The following COL4A1 variants were observed in gnomAD, a reference collection of about 807,000 sequenced individuals.
COL4A1 encodes collagen type IV alpha 1 chain.
Under a neutral mutation model 216.6 loss-of-function variants are expected in COL4A1, and 40 were observed. The observed-to-expected ratio is 0.18, with a 90% CI of 0.14 to 0.24. The LOEUF is 0.24. Among genes scored for constraint, COL4A1 ranks in the 10% least tolerant of loss-of-function variants. The pLI is 1.00. For missense variants in COL4A1, 1,628 were observed against 2,196.8 expected (o/e 0.74, Z 5.18); for synonymous variants, 839 against 810.7 (o/e 1.03, Z -0.59).
intron 18 of COL4A1, among the ~76,000 whole-genome samples, chr13:110,202,463 T>A (rs1049532753): frequency 2.0e-5 from 3 of 152,230 alleles, no homozygotes; most frequent in African/African-American, 7.2e-5. Context: ...CTTGACTTAG[T>A]CATCCCACAA....
rs7273 is a variant in COL4A1 at position 110,149,231 on chromosome 13, C to T, written c.*1132G>A. 2 of 154,780 alleles carry T rather than the reference C, an allele frequency of 1.3e-5. No homozygotes were observed. Among genetic ancestry groups the T allele is most frequent in the African/African-American group, 2.4e-5 (1 of 41,506 alleles). The allele number at this position is 154,780 out of a possible 1,614,324, so 9.6% of individuals were successfully genotyped here. A position where few individuals can be genotyped will look rare whatever the true frequency, so the allele number is the denominator to read the frequency against. On this transcript the variant is annotated 3_prime_UTR_variant, in exon 52 of 52. Transcript: ENST00000375820. ...CTCCTGCGGTCCATGCGATGCCCTG[C>T]TGAGGTCTGTGAACACAGCTCATGA...
intron 20 of COL4A1, among the ~76,000 whole-genome samples, chr13:110,200,453 G>C (rs1879134121): frequency 6.6e-6 from 1 of 152,230 alleles, no homozygotes; most frequent in Non-Finnish European, 1.5e-5. Context: ...ACATCCCAGA[G>C]AGAGGGGAAA....
intron 1 of COL4A1, among the ~76,000 whole-genome samples, chr13:110,254,166 A>C (rs1882410869): frequency 6.6e-6 from 1 of 152,168 alleles, no homozygotes; most frequent in African/African-American, 2.4e-5. Flanking sequence ...AGGATCACTT[A>C]GCTCCTATCA....
At chr13:110,230,504 A>T (rs796556801) in intron 2 of COL4A1, among the ~76,000 whole-genome samples, 82 of 151,298 alleles carry the variant, frequency 5.4e-4, no homozygotes, top group African/African-American at 1.9e-3. Context: ...CAGAAAGGGC[A>T]GAAATTTTAT....
At chr13:110,261,395 C>T (rs1882820729) in intron 1 of COL4A1, among the ~76,000 whole-genome samples, 1 of 152,208 alleles carries the variant, frequency 6.6e-6, no homozygotes, top group Non-Finnish European at 1.5e-5. Context: ...GATTTGGGAG[C>T]CTGCTAACTC....
At chr13:110,197,561 A>C (rs1266722800) in intron 21 of COL4A1, among the ~76,000 whole-genome samples, 1 of 152,178 alleles carries the variant, frequency 6.6e-6, no homozygotes, top group Non-Finnish European at 1.5e-5. Context: ...GCAGAGGAGA[A>C]AAGTTCCCCA....
rs778680549 is a variant in COL4A1, at chr13:110,175,334, G to A, written c.3082C>T (p.Pro1028Ser). ...GAACCTTGTGGGCCAGGGATGCCAGGCACACCTTTCTCTCCAGGTGTTCCT... is the reference window on the plus strand; with the variant it reads ...GAACCTTGTGGGCCAGGGATGCCAGACACACCTTTCTCTCCAGGTGTTCCT... The part of the protein sequence containing the change: ...LPGTPGEKGV[P>S]GIPGPQGSPG... The change falls in exon 37 of 52, where the codon CCT becomes TCT. Residue 1028 changes from proline (P) to serine (S), a missense_variant. Transcript: ENST00000375820. 8 of 1,614,186 alleles carry A rather than the reference G, an allele frequency of 5.0e-6. No homozygotes were observed. The South Asian group carries it at 6.6e-5, about 13-fold the overall frequency.
intron 1 of COL4A1, among the ~76,000 whole-genome samples, chr13:110,248,516 G>A (rs1009540780): frequency 6.6e-6 from 1 of 151,898 alleles, no homozygotes; most frequent in African/African-American, 2.4e-5. Context: ...CGTCCTGCTG[G>A]GGTCTCGCTC....
At chr13:110,238,700 G>A (rs1881430900) in intron 2 of COL4A1, among the ~76,000 whole-genome samples, 4 of 152,086 alleles carry the variant, frequency 2.6e-5, no homozygotes, top group Admixed American at 2.0e-4. Flanking sequence ...TTTGGACACT[G>A]CAGGGTCACA....
In COL4A1 at chr13:110,164,847, G is replaced by A; in HGVS notation, c.4150+15C>T. The A allele has an allele frequency of 6.2e-7, 1 of 1,612,858 alleles. No homozygotes were observed. Among genetic ancestry groups the A allele is most frequent in the South Asian group, 1.1e-5 (1 of 90,700 alleles). On this transcript the variant is annotated intron_variant, in intron 46 of 51. Coordinates refer to ENST00000375820, the MANE Select transcript of COL4A1 (RefSeq NM_001845.6). ...GGGCTCCCCATACCGCCCTGCACAG[G>A]CCAAGCCTTCTCACCTTGCTGGCCT...
At position 110,274,279 on chromosome 13, in the gene COL4A1, A is replaced by G. The variant is rs79620816; in HGVS notation, c.85-31545T>C. Among the ~76,000 whole-genome samples the G allele has an allele frequency of 7.7e-3, 1,168 of 152,308 alleles. 53 individuals carry two copies. The East Asian group carries it at 0.12, about 16-fold the overall frequency. Reference sequence around the variant, plus strand: ...TCGTATGTAGCTCAACTTTAAGTCAATGAAAATTCAAGGCAGGTTGGAAAG... The same window carrying G: ...TCGTATGTAGCTCAACTTTAAGTCAGTGAAAATTCAAGGCAGGTTGGAAAG... On this transcript the variant is annotated intron_variant, in intron 1 of 51. Coordinates refer to ENST00000375820, the MANE Select transcript of COL4A1 (RefSeq NM_001845.6).
chr13:110,160,876 C>G (rs546478469), intron 49 of COL4A1: 25 of 374,352 alleles, frequency 6.7e-5, no homozygotes, highest in Admixed American at 1.2e-4. Context: ...GCCCAGCTAA[C>G]TTTTGTATTT....
At chr13:110,169,521 C>T in intron 43 of COL4A1, 108 bp downstream of exon 43, 1 of 1,549,660 alleles carries the variant, frequency 6.5e-7, no homozygotes. Flanking sequence ...CACACACACA[C>T]ACACATATAT....
chr13:110,219,690 G>GTATTTATATGTA (rs1555307883), intron 2 of COL4A1, among the ~76,000 whole-genome samples: 3 of 135,090 alleles, frequency 2.2e-5, no homozygotes, highest in African/African-American at 8.7e-5. Flanking sequence ...GTATATATAT[G>GTATTTATATGTA]TATATATATG....
At chr13:110,178,302 T>C (rs1288167970) in intron 31 of COL4A1, 71 bp from the exon 32 acceptor site, 5 of 1,594,032 alleles carry the variant, frequency 3.1e-6, no homozygotes, top group African/African-American at 1.3e-5. Flanking sequence ...CAGTGCTCTG[T>C]TTAACTATGA....
intron 1 of COL4A1, among the ~76,000 whole-genome samples, chr13:110,285,740 G>A (rs961061791): frequency 3.3e-5 from 5 of 152,116 alleles, no homozygotes; most frequent in African/African-American, 4.8e-5. Context: ...TCCTGCCCCT[G>A]GTGCTCCCAG....
At chr13:110,155,240 TG>T in intron 50 of COL4A1, 42 bp downstream of exon 50, 2 of 1,460,434 alleles carry the variant, frequency 1.4e-6, no homozygotes, top group Non-Finnish European at 1.9e-6. Context: ...GGGGCGTGAG[TG>T]GGGCTCTTCC....
At chr13:110,153,376 C>A (rs930700546) in intron 50 of COL4A1, among the ~76,000 whole-genome samples, 2 of 152,214 alleles carry the variant, frequency 1.3e-5, no homozygotes, top group Non-Finnish European at 2.9e-5. Flanking sequence ...TTCTCTAGAA[C>A]GTCACTATTT....
intron 41 of COL4A1, 24 bp from the exon 42 acceptor site, chr13:110,170,756 G>A (rs768788964): frequency 6.2e-7 from 1 of 1,613,428 alleles, no homozygotes; most frequent in Admixed American, 1.7e-5. Flanking sequence ...ACAGTTTGAG[G>A]TGATGGGAAA....
Sources: gnomAD v4.1 joint callset for allele counts (sites outside exome capture counted in the v4.1 genomes callset) on GRCh38, gnomAD v4.1.1 for gene constraint, MANE v1.5 for transcripts, NCBI Gene and HGNC (gene_info 2026-07-23, HGNC 2026-07-21) for gene names.